The following PLEKHG3 variants were observed in gnomAD, a reference collection of about 807,000 sequenced individuals.
The protein encoded by PLEKHG3 is pleckstrin homology domain-containing family G member 3.
A neutral mutation model predicts 94.9 loss-of-function variants in PLEKHG3; 62 were observed. The observed-to-expected ratio is 0.65, with a 90% CI of 0.53 to 0.81. The LOEUF (loss-of-function observed/expected upper bound fraction) is 0.81, where lower values mean the gene tolerates loss of function less well. PLEKHG3 is among the 30% of genes least tolerant of loss of function. PLEKHG3 has a pLI of 0.00. For missense variants in PLEKHG3, 1,461 were observed against 1,619.3 expected (o/e 0.90, Z 1.68); for synonymous variants, 614 against 654.0 (o/e 0.94, Z 0.93).
At chr14:64,707,177 G>T (rs979693668) in intron 1 of PLEKHG3, among the ~76,000 whole-genome samples, 3 of 152,210 alleles carry the variant, frequency 2.0e-5, no homozygotes, top group African/African-American at 4.8e-5. Context: ...CCCTCCAGCG[G>T]GGGCCCTGGC....
Position 64,749,015 on chromosome 14 carries a change from G to A in PLEKHG3, c.*5312G>A. The A allele has an allele frequency of 6.0e-6, 2 of 331,524 alleles. No homozygotes were observed. Among genetic ancestry groups the A allele is most frequent in the African/African-American group, 2.3e-5 (1 of 43,744 alleles). The allele number at this position is 331,524 out of a possible 1,614,324, so 20.5% of individuals were successfully genotyped here. A position where few individuals can be genotyped will look rare whatever the true frequency, so the allele number is the denominator to read the frequency against. On this transcript the variant is annotated 3_prime_UTR_variant, in exon 17 of 17. Transcript: ENST00000247226. The surrounding 1 kb of genome is among the most constrained non-coding windows in gnomAD (Gnocchi z 4.7). ...GGAGGAGGGTGGGAGAGGAGGGCGT[G>A]TGCCTCAGAGAACCGTTTCCTGCCC...
In PLEKHG3 at chr14:64,738,110, G is replaced by A; in HGVS notation, c.1405-632G>A. 1 of 1,303,818 alleles carries A rather than the reference G, an allele frequency of 7.7e-7. No individual in the cohort carries two copies. Among genetic ancestry groups the A allele is most frequent in the Non-Finnish European group, 1.0e-6 (1 of 996,910 alleles). 80.8% of individuals were successfully genotyped at this position (1,303,818 alleles called of 1,614,324 possible). A position where few individuals can be genotyped will look rare whatever the true frequency, so the allele number is the denominator to read the frequency against. ...GCTCAGAGGAGGAGGAGGAGGAGCA[G>A]GAGGAGAGCCTGGCGGTGGCGGAGC... On this transcript the variant is annotated intron_variant, in intron 14 of 16. Transcript: ENST00000247226. The surrounding 1 kb of genome is among the most constrained non-coding windows in gnomAD (Gnocchi z 4.8).
At chr14:64,736,533 T>G (rs918766172) in intron 12 of PLEKHG3, among the ~76,000 whole-genome samples, 12 of 152,198 alleles carry the variant, frequency 7.9e-5, no homozygotes, top group African/African-American at 2.7e-4. Context: ...AGCATGGAAC[T>G]GAGTCCCCTC....
In PLEKHG3 at chr14:64,719,387, C is replaced by T. The variant is rs141424442; in HGVS notation, c.-39-8206C>T. On this transcript the variant is annotated intron_variant, in intron 1 of 16. Coordinates refer to ENST00000247226, the MANE Select transcript of PLEKHG3 (RefSeq NM_001308147.2). ...GTGGGCTTACTGTGTGTCAGATGTA[C>T]GGGTTACTTACTTGTGTCATCTCAA... Among the ~76,000 whole-genome samples, 711 of 151,972 alleles carry T rather than the reference C, an allele frequency of 4.7e-3. 7 individuals carry two copies. Among genetic ancestry groups the T allele is most frequent in the African/African-American group, 0.016 (683 of 41,446 alleles).
chr14:64,724,939 A>C (rs1368262446), intron 1 of PLEKHG3, among the ~76,000 whole-genome samples: 1 of 152,254 alleles, frequency 6.6e-6, no homozygotes, highest in Non-Finnish European at 1.5e-5. Context: ...GGGGTTAGGC[A>C]CTTTAATATA....
In PLEKHG3 at chr14:64,720,201, T is replaced by G. The variant is rs565058279; in HGVS notation, c.-39-7392T>G. Among the ~76,000 whole-genome samples, 1 of 152,358 alleles carries G rather than the reference T, an allele frequency of 6.6e-6. No homozygotes were observed. The highest frequency in any genetic ancestry group is 2.1e-4 in the South Asian group (1 of 4,828). ...GCCCCTTTTCTAAACTTGGCTACTT[T>G]CCCCTTCCTCCCAGTCTCTTGTGGC... On this transcript the variant is annotated intron_variant, in intron 1 of 16. Transcript: ENST00000247226. The surrounding 1 kb of genome is among the most constrained non-coding windows in gnomAD (Gnocchi z 4.1).
Position 64,718,387 on chromosome 14 carries a change from A to G in PLEKHG3, c.-39-9206A>G, listed in dbSNP as rs985490173. On this transcript the variant is annotated intron_variant, in intron 1 of 16. Transcript: ENST00000247226. This position sits in a 1 kb window ranked among gnomAD's most constrained non-coding sequence, Gnocchi z 5.0. ...AAACTGGAGGCAGTCTTGAACTCCC[A>G]TACTGCTCATGCCTGGATTCTCTCC... is the stretch of plus-strand genomic sequence containing the variant. Among the ~76,000 whole-genome samples the G allele has an allele frequency of 1.3e-5, 2 of 152,164 alleles. No homozygotes were observed. Among genetic ancestry groups the G allele is most frequent in the Non-Finnish European group, 2.9e-5 (2 of 68,022 alleles).
chr14:64,731,512 G>C lies in PLEKHG3; in HGVS notation c.1001G>C (p.Gly334Ala), dbSNP rs370244924. The change falls in exon 8 of 17, where the codon GGC becomes GCC. Residue 334 changes from glycine (G) to alanine (A), a missense_variant. Transcript: ENST00000247226. The surrounding 1 kb of genome is among the most constrained non-coding windows in gnomAD (Gnocchi z 6.1). ...ACACTGCTTATCACCAAGAAGCGGG[G>C]CGATCACTTTGTCTACAAGGGCAAC... ...DKTLLITKKR[G>A]DHFVYKGNIP... 6.2e-5 allele frequency: 100 copies of C among 1,613,992 alleles called. No homozygotes were observed. Among genetic ancestry groups the C allele is most frequent in the Non-Finnish European group, 8.3e-5 (98 of 1,180,028 alleles).
Position 64,732,576 on chromosome 14 carries a change from TCTC to T in PLEKHG3, c.1246+119_1246+121del. ...ATTCCAGGAGCAGGGAGGGCGGGGG[TCTC>T]CTGTTAAGGGCTGGGGGGTGAACTA... On this transcript the variant is annotated intron_variant, in intron 11 of 16. Transcript: ENST00000247226. The surrounding 1 kb of genome is among the most constrained non-coding windows in gnomAD (Gnocchi z 4.9). The T allele has an allele frequency of 1.1e-6, 1 of 926,640 alleles. No homozygotes were observed. Among genetic ancestry groups the T allele is most frequent in the Non-Finnish European group, 1.8e-6 (1 of 563,090 alleles). 57.4% of individuals were successfully genotyped at this position (926,640 alleles called of 1,614,324 possible). A position where few individuals can be genotyped will look rare whatever the true frequency, so the allele number is the denominator to read the frequency against.
chr14:64,715,767 C>T lies in PLEKHG3; in HGVS notation c.-40+11063C>T, dbSNP rs1050035313. 3 of 332,094 alleles carry T rather than the reference C, an allele frequency of 9.0e-6. No homozygotes were observed. The highest frequency in any genetic ancestry group is 6.7e-5 in the African/African-American group (3 of 45,086). The allele number at this position is 332,094 out of a possible 1,614,324, so 20.6% of individuals were successfully genotyped here. Reference sequence around the variant, plus strand: ...CCTCAGCCCTGTGGCGCTCACCTCCCAGGGCTGTGGCCTGGGTCCCTACCC... The same window carrying T: ...CCTCAGCCCTGTGGCGCTCACCTCCTAGGGCTGTGGCCTGGGTCCCTACCC... On this transcript the variant is annotated intron_variant, in intron 1 of 16. Coordinates refer to ENST00000247226, the MANE Select transcript of PLEKHG3 (RefSeq NM_001308147.2). The surrounding 1 kb of genome is among the most constrained non-coding windows in gnomAD (Gnocchi z 4.4).
In PLEKHG3 at chr14:64,743,292, G is replaced by A. The variant is rs955246965; in HGVS notation, c.3249G>A (p.Pro1083=). ...GPPVNRSHSV[P]ENMVEPPLSG... ...CCGTCAACAGGAGCCACTCGGTGCC[G>A]GAGAACATGGTAGAGCCACCTCTGT... The change falls in exon 17 of 17, where the codon CCG becomes CCA. Residue 1083 remains proline (P), a synonymous_variant. Transcript: ENST00000247226. The surrounding 1 kb of genome is among the most constrained non-coding windows in gnomAD (Gnocchi z 7.2). 112 of 1,608,022 alleles carry A rather than the reference G, an allele frequency of 7.0e-5. No individual in the cohort carries two copies. Among genetic ancestry groups the A allele is most frequent in the Non-Finnish European group, 8.0e-5 (94 of 1,179,090 alleles).
In PLEKHG3 at chr14:64,749,336, C is replaced by T. The variant is rs1390374602; in HGVS notation, c.*5633C>T. The T allele has an allele frequency of 1.2e-6, 2 of 1,609,486 alleles. No homozygotes were observed. The highest frequency in any genetic ancestry group is 2.2e-5 in the East Asian group (1 of 44,818). ...TCTTTTTGGGGAAGAAGCTGAATCT[C>T]TTCTCCTTGTCTTTCTTGCCGAGGC... is the stretch of plus-strand genomic sequence containing the variant. On this transcript the variant is annotated 3_prime_UTR_variant, in exon 17 of 17. Coordinates refer to ENST00000247226, the MANE Select transcript of PLEKHG3 (RefSeq NM_001308147.2). The surrounding 1 kb of genome is among the most constrained non-coding windows in gnomAD (Gnocchi z 4.7).
Position 64,715,530 on chromosome 14 carries a change from G to GA in PLEKHG3, c.-40+10826_-40+10827insA, listed in dbSNP as rs1215691185. Reference sequence around the variant, plus strand: ...CCTCAGTTTCCTGACCTGTAAAATAGGGATGGCCACCTGCCTTTCCTCTCT... The same window carrying GA: ...CCTCAGTTTCCTGACCTGTAAAATAGAGGATGGCCACCTGCCTTTCCTCTCT... On this transcript the variant is annotated intron_variant, in intron 1 of 16. Coordinates refer to ENST00000247226, the MANE Select transcript of PLEKHG3 (RefSeq NM_001308147.2). This position sits in a 1 kb window ranked among gnomAD's most constrained non-coding sequence, Gnocchi z 4.4. 6.6e-6 allele frequency among the ~76,000 whole-genome samples: 1 copy of GA among 152,184 alleles called. No individual in the cohort carries two copies. The highest frequency in any genetic ancestry group is 1.5e-5 in the Non-Finnish European group (1 of 68,024).
At position 64,723,181 on chromosome 14, in the gene PLEKHG3, T is replaced by G. The variant is rs1021733695; in HGVS notation, c.-39-4412T>G. 1.3e-5 allele frequency among the ~76,000 whole-genome samples: 2 copies of G among 152,052 alleles called. No homozygotes were observed. The highest frequency in any genetic ancestry group is 1.3e-4 in the Admixed American group (2 of 15,270). ...GGAAGGGTGTGGTGTGGTTTAGGCT[T>G]AAATTTAAAGAAAAAGAAAAGAAAC... On this transcript the variant is annotated intron_variant, in intron 1 of 16. Coordinates refer to ENST00000247226, the MANE Select transcript of PLEKHG3 (RefSeq NM_001308147.2). The surrounding 1 kb of genome is among the most constrained non-coding windows in gnomAD (Gnocchi z 4.5).
chr14:64,721,684 C>G lies in PLEKHG3; in HGVS notation c.-39-5909C>G, dbSNP rs996613109. ...GGGAGCCTTCTCTCGCGCTTTATTA[C>G]GGTGCTCAGGGCTGCTGAATCTCCA... On this transcript the variant is annotated intron_variant, in intron 1 of 16. Transcript: ENST00000247226. The surrounding 1 kb of genome is among the most constrained non-coding windows in gnomAD (Gnocchi z 4.3). Among the ~76,000 whole-genome samples the G allele has an allele frequency of 1.3e-5, 2 of 152,138 alleles. No homozygotes were observed. Among genetic ancestry groups the G allele is most frequent in the Non-Finnish European group, 2.9e-5 (2 of 68,022 alleles).
Position 64,749,275 on chromosome 14 carries a change from C to G in PLEKHG3, c.*5572C>G. ...CTGGGCTGCCCGGTCTCTGCGCGTC[C>G]CGACTCCGCCGCGCCCGCCAGCCCC... On this transcript the variant is annotated 3_prime_UTR_variant, in exon 17 of 17. Coordinates refer to ENST00000247226, the MANE Select transcript of PLEKHG3 (RefSeq NM_001308147.2). This position sits in a 1 kb window ranked among gnomAD's most constrained non-coding sequence, Gnocchi z 4.7. 1.9e-6 allele frequency: 3 copies of G among 1,550,796 alleles called. No homozygotes were observed. Among genetic ancestry groups the G allele is most frequent in the Non-Finnish European group, 8.7e-7 (1 of 1,153,200 alleles).
rs1255281344 is a variant in PLEKHG3, at chr14:64,723,550, G to T, written c.-39-4043G>T. Among the ~76,000 whole-genome samples the T allele has an allele frequency of 6.6e-6, 1 of 152,002 alleles. No homozygotes were observed. The highest frequency in any genetic ancestry group is 1.5e-5 in the Non-Finnish European group (1 of 68,000). On this transcript the variant is annotated intron_variant, in intron 1 of 16. Transcript: ENST00000247226. This position sits in a 1 kb window ranked among gnomAD's most constrained non-coding sequence, Gnocchi z 4.5. ...GAGTCTCATGCTGTCACCCAGGCTGGAGTACAGTGGCGCGATCTCAGCTCA... is the reference window on the plus strand; with the variant it reads ...GAGTCTCATGCTGTCACCCAGGCTGTAGTACAGTGGCGCGATCTCAGCTCA...
At position 64,727,914 on chromosome 14, in the gene PLEKHG3, G is replaced by A. The variant is rs2081383172; in HGVS notation, c.283G>A (p.Gly95Ser). 1.9e-6 allele frequency: 3 copies of A among 1,611,594 alleles called. No homozygotes were observed. Among genetic ancestry groups the A allele is most frequent in the African/African-American group, 1.3e-5 (1 of 74,912 alleles). The change falls in exon 2 of 17, where the codon GGC (glycine) becomes AGC (serine). Residue 95 changes from glycine (G) to serine (S), a missense_variant. Gly to Ser is a moderately conservative substitution (Grantham distance 56). Around this residue, in one of 3 missense-constraint regions of PLEKHG3, gnomAD observed 253 missense variants for 297.8 expected, o/e 0.85. Coordinates refer to ENST00000247226, the MANE Select transcript of PLEKHG3 (RefSeq NM_001308147.2). This position sits in a 1 kb window ranked among gnomAD's most constrained non-coding sequence, Gnocchi z 6.0. ...TGCACACCACAAGCTCAGCTACCTG[G>A]GCCGAGTGGTGCGGGAGATCGTGGA... is the stretch of plus-strand genomic sequence containing the variant. ...GPAHHKLSYLGRVVREIVETE... is the reference protein window; with the variant it reads ...GPAHHKLSYLSRVVREIVETE...
rs182616577 is a variant in PLEKHG3 at position 64,730,623 on chromosome 14, A to G, written c.520-19A>G. ...AAATGAGAATCTCCCTGAAATCACT[A>G]TTTTTGATCTCTTCTTAGAGCCAAG... is the stretch of plus-strand genomic sequence containing the variant. On this transcript the variant is annotated intron_variant, in intron 4 of 16. Transcript: ENST00000247226. This position sits in a 1 kb window ranked among gnomAD's most constrained non-coding sequence, Gnocchi z 5.4. 12 of 1,601,844 alleles carry G rather than the reference A, an allele frequency of 7.5e-6. No individual in the cohort carries two copies. The highest frequency in any genetic ancestry group is 1.7e-4 in the Middle Eastern group (1 of 6,042).
Sources: gnomAD v4.1 joint callset for allele counts (sites outside exome capture counted in the v4.1 genomes callset) on GRCh38, gnomAD v4.1.1 for gene constraint, gnomAD v4.1.1 regional missense constraint, Gnocchi (gnomAD v3.1) non-coding constraint, MANE v1.5 for transcripts, NCBI Gene and HGNC (gene_info 2026-07-23, HGNC 2026-07-21) for gene names.